CR1: variants seen among roughly 807,000 people sequenced by gnomAD.
The protein encoded by CR1 is complement receptor type 1.
A neutral mutation model predicts 187.3 loss-of-function variants in CR1; 116 were observed. The observed-to-expected ratio is 0.62, with a 90% CI of 0.53 to 0.72. The LOEUF is 0.72. CR1 is among the 30% of genes least tolerant of loss of function. The pLI, the probability that CR1 is intolerant of heterozygous loss-of-function variation, is 0.00. For synonymous variants in CR1, 576 were observed against 747.1 expected, an observed-to-expected ratio of 0.77 and a Z score of 3.73; for missense variants, 1,731 against 2,110.7, an observed-to-expected ratio of 0.82 and a Z score of 3.52.
At chr1:207,591,499 GA>G (rs140777634) in intron 35 of CR1, among the ~76,000 whole-genome samples, 31,994 of 152,130 alleles carry the variant, frequency 0.21, 4,274 homozygotes, top group Non-Finnish European at 0.31. Flanking sequence ...GGAGAAAGCA[GA>G]AAAGATCTAA....
At chr1:207,589,229 A>G (rs1454441100) in intron 35 of CR1, among the ~76,000 whole-genome samples, 1 of 152,148 alleles carries the variant, frequency 6.6e-6, no homozygotes, top group East Asian at 1.9e-4. Context: ...CACAGAGAGG[A>G]GACATTATGG....
intron 45 of CR1, among the ~76,000 whole-genome samples, chr1:207,629,397 C>T (rs1662578765): frequency 6.6e-6 from 1 of 152,038 alleles, no homozygotes; most frequent in Non-Finnish European, 1.5e-5. Flanking sequence ...CCACTCATCA[C>T]CCAAGACCAC....
At chr1:207,589,105 T>C (rs1156939975) in intron 35 of CR1, among the ~76,000 whole-genome samples, 1 of 152,202 alleles carries the variant, frequency 6.6e-6, no homozygotes, top group African/African-American at 2.4e-5. Context: ...CATGTAAACC[T>C]CCTTAACTGA....
chr1:207,629,501 A>G (rs1196256467), intron 45 of CR1, among the ~76,000 whole-genome samples: 2 of 152,150 alleles, frequency 1.3e-5, no homozygotes, highest in African/African-American at 2.4e-5. Context: ...TCATCCATGG[A>G]TCTCAAGTGT....
At chr1:207,575,860 C>T in intron 28 of CR1, among the ~76,000 whole-genome samples, 180 bp downstream of exon 28, 1 of 150,590 alleles carries the variant, frequency 6.6e-6, no homozygotes, top group East Asian at 1.9e-4. Context: ...CCTAGAAATG[C>T]TTTTTTTTTT....
rs771577097 is a variant in CR1, at chr1:207,629,542, CT to C, written c.7353-974del. 1.2e-3 allele frequency among the ~76,000 whole-genome samples: 185 copies of C among 152,336 alleles called. 1 individual carries two copies. Among genetic ancestry groups the C allele is most frequent in the Non-Finnish European group, 2.2e-3 (151 of 68,032 alleles). On this transcript the variant is annotated intron_variant, in intron 45 of 46. Coordinates refer to ENST00000367049, the MANE Select transcript of CR1 (RefSeq NM_000651.6). ...CCCTGTCCTGTGAAAACTCTGCCCC[CT>C]GAAGCAGTCTGCCTCTTTTTCTCAA...
rs372881480 is a variant in CR1 at position 207,618,168 on chromosome 1, C to T, written c.6987C>T (p.Pro2329=). 64 of 1,613,814 alleles carry T rather than the reference C, an allele frequency of 4.0e-5. No homozygotes were observed. The highest frequency in any genetic ancestry group is 3.3e-4 in the African/African-American group (25 of 75,004). Reference sequence around the variant, plus strand: ...TGACAATCAGCTACATTTGTGACCCCGGCTACCTGTTAGTGGGAAAGGGCT... The same window carrying T: ...TGACAATCAGCTACATTTGTGACCCTGGCTACCTGTTAGTGGGAAAGGGCT... The part of the protein sequence containing the change: ...PGMTISYICD[P]GYLLVGKGFI... Residue 2329 remains proline, a synonymous_variant, in exon 42 of 47, where the codon CCC becomes CCT. Transcript: ENST00000367049.
chr1:207,600,421 T>C (rs1278621760), intron 35 of CR1, among the ~76,000 whole-genome samples: 1 of 152,160 alleles, frequency 6.6e-6, no homozygotes, highest in Non-Finnish European at 1.5e-5. Flanking sequence ...ATAAAAACCA[T>C]TTATAAAAGT....
chr1:207,526,593 T>C (rs936520234), intron 5 of CR1, among the ~76,000 whole-genome samples, 160 bp from the exon 6 acceptor site: 1 of 151,202 alleles, frequency 6.6e-6, no homozygotes, highest in Non-Finnish European at 1.5e-5. Flanking sequence ...TGGCAAGACA[T>C]CTTCCTTGCC....
At chr1:207,500,920 A>T (rs1659246228) in intron 1 of CR1, among the ~76,000 whole-genome samples, 1 of 152,240 alleles carries the variant, frequency 6.6e-6, no homozygotes, top group African/African-American at 2.4e-5. Flanking sequence ...TATGCAATTG[A>T]ATATTACCCA....
intron 2 of CR1, 105 bp downstream of exon 2, chr1:207,506,188 C>T: frequency 1.5e-6 from 2 of 1,338,146 alleles, no homozygotes; most frequent in Non-Finnish European, 2.1e-6. Flanking sequence ...AATTAGTTTG[C>T]CAAGGTGCAA....
chr1:207,496,944 A>G (rs1214795374), intron 1 of CR1, among the ~76,000 whole-genome samples: 1 of 151,898 alleles, frequency 6.6e-6, no homozygotes, highest in Non-Finnish European at 1.5e-5. Flanking sequence ...CTATCCCCCA[A>G]CCGTTACCTC....
chr1:207,523,620 G>A lies in CR1; in HGVS notation c.497G>A (p.Cys166Tyr). ...NETPICDRIP[C>Y]GLPPTITNGD... The stretch of plus-strand genomic sequence containing the variant: ...CTCTTCCTTTTTCCAGGAATTCCTT[G>A]TGGGCTACCCCCCACCATCACCAAT... Residue 166 changes from cysteine (C) to tyrosine (Y), a missense_variant, in exon 5 of 47, where the codon TGT (cysteine) becomes TAT (tyrosine). Around this residue, in one of 5 missense-constraint regions of CR1, gnomAD observed 237 missense variants for 240.4 expected, o/e 0.99. Transcript: ENST00000367049. 1 of 1,613,872 alleles carries A rather than the reference G, an allele frequency of 6.2e-7. No homozygotes were observed. Among genetic ancestry groups the A allele is most frequent in the South Asian group, 1.1e-5 (1 of 91,076 alleles).
At chr1:207,503,760 T>C (rs1659344690) in intron 1 of CR1, among the ~76,000 whole-genome samples, 2 of 152,228 alleles carry the variant, frequency 1.3e-5, no homozygotes, top group South Asian at 4.1e-4. Flanking sequence ...AGAACATGGA[T>C]ATCTCTGAGA....
At chr1:207,499,956 T>C (rs1414753204) in intron 1 of CR1, among the ~76,000 whole-genome samples, 1 of 152,160 alleles carries the variant, frequency 6.6e-6, no homozygotes, top group Non-Finnish European at 1.5e-5. Context: ...AAGAAAATGG[T>C]AGAGTTGACA....
chr1:207,567,621 G>C (rs1049939436), intron 24 of CR1, among the ~76,000 whole-genome samples: 1 of 150,194 alleles, frequency 6.7e-6, no homozygotes, highest in African/African-American at 2.5e-5. Flanking sequence ...TTACTATCCG[G>C]AAGATTCAGG....
intron 27 of CR1, among the ~76,000 whole-genome samples, chr1:207,574,072 T>G (rs1660659661): frequency 6.6e-6 from 1 of 152,106 alleles, no homozygotes; most frequent in Admixed American, 6.6e-5. Flanking sequence ...GGCTGAGGCT[T>G]CAGTGAGCCT....
At chr1:207,588,892 G>A in intron 35 of CR1, 118 bp downstream of exon 35, 1 of 663,400 alleles carries the variant, frequency 1.5e-6, no homozygotes, top group East Asian at 2.8e-5. Flanking sequence ...GCAAGCAATA[G>A]GACTTATAGA....
At chr1:207,600,150 C>T (rs1463120351) in intron 35 of CR1, among the ~76,000 whole-genome samples, 2 of 152,122 alleles carry the variant, frequency 1.3e-5, no homozygotes, top group Non-Finnish European at 2.9e-5. Context: ...TTTACAAATA[C>T]GTGCTATAGA....
Sources: allele counts gnomAD v4.1 joint callset (sites outside exome capture counted in the v4.1 genomes callset), GRCh38; gene constraint gnomAD v4.1.1; regional missense constraint gnomAD v4.1.1; transcripts MANE v1.5; gene names NCBI Gene and HGNC (gene_info 2026-07-23, HGNC 2026-07-21).